Variants in APP observed in about 807,000 individuals in gnomAD.
APP encodes the protein amyloid-beta precursor protein.
APP carries 31 observed loss-of-function variants against 101.4 expected under a neutral mutation model. That is an observed-to-expected ratio of 0.31 (90% CI 0.23 to 0.41). The LOEUF is 0.41. APP is among the 10% of genes least tolerant of loss of function. The pLI, the probability that APP is intolerant of heterozygous loss-of-function variation, is 1.00. For synonymous variants in APP, 366 were observed against 364.4 expected, an observed-to-expected ratio of 1.00 and a Z score of -0.05; for missense variants, 839 against 1,003.7, an observed-to-expected ratio of 0.84 and a Z score of 2.22.
intron 1 of APP, among the ~76,000 whole-genome samples, chr21:26,113,511 C>G (rs2062372985): frequency 6.6e-6 from 1 of 152,218 alleles, no homozygotes; most frequent in Admixed American, 6.5e-5. Context: ...GTCATGAGTG[C>G]AAAAGCTGCT....
chr21:26,086,376 T>C (rs1266712592), intron 3 of APP, among the ~76,000 whole-genome samples: 2 of 152,148 alleles, frequency 1.3e-5, no homozygotes, highest in African/African-American at 4.8e-5. Flanking sequence ...AAGAAATGTA[T>C]AGCACATATG....
chr21:26,093,464 A>C (rs2061870548), intron 2 of APP, among the ~76,000 whole-genome samples: 2 of 152,178 alleles, frequency 1.3e-5, no homozygotes, highest in Admixed American at 6.5e-5. Flanking sequence ...CTTAAAACCA[A>C]CGAATTGTTT....
intron 11 of APP, among the ~76,000 whole-genome samples, chr21:25,962,708 A>G (rs2014146): frequency 0.45 from 68,817 of 152,134 alleles, 17,018 homozygotes; most frequent in African/African-American, 0.65. Context: ...GAGAAGATTC[A>G]TTTCATTAAT....
At chr21:25,983,450 T>C (rs921138820) in intron 8 of APP, among the ~76,000 whole-genome samples, 2 of 152,218 alleles carry the variant, frequency 1.3e-5, no homozygotes, top group Non-Finnish European at 2.9e-5. Flanking sequence ...GTGTATTACA[T>C]TTGGGATATA....
At chr21:26,159,700 C>G (rs1187206337) in intron 1 of APP, among the ~76,000 whole-genome samples, 2 of 150,072 alleles carry the variant, frequency 1.3e-5, no homozygotes, top group Non-Finnish European at 1.5e-5. Context: ...TTTTTCTCTG[C>G]AACAACAAGA....
chr21:26,093,988 C>T (rs1568966396), intron 2 of APP, among the ~76,000 whole-genome samples: 1 of 152,044 alleles, frequency 6.6e-6, no homozygotes, highest in Non-Finnish European at 1.5e-5. Flanking sequence ...ATGGCACACG[C>T]CTGTTAAGTC....
intron 5 of APP, among the ~76,000 whole-genome samples, chr21:26,037,788 A>T (rs2045185014): frequency 6.6e-6 from 1 of 152,244 alleles, no homozygotes. Flanking sequence ...TTCCAATAAT[A>T]GTAGCTATAC....
intron 2 of APP, among the ~76,000 whole-genome samples, chr21:26,110,914 C>T (rs1031476894): frequency 2.0e-5 from 3 of 151,778 alleles, no homozygotes; most frequent in African/African-American, 7.3e-5. Context: ...CAGTCACATG[C>T]AGAGATAACT....
chr21:26,126,506 A>G lies in APP; in HGVS notation c.58-14360T>C, dbSNP rs977415753. On this transcript the variant is annotated intron_variant, in intron 1 of 17. Transcript: ENST00000346798. ...TGTTCAGCTATGCAGTGGTTCTCCAACAGGGTAAGCTTGTTAACTACATGG... is the reference window on the plus strand; with the variant it reads ...TGTTCAGCTATGCAGTGGTTCTCCAGCAGGGTAAGCTTGTTAACTACATGG... 2.6e-5 allele frequency among the ~76,000 whole-genome samples: 4 copies of G among 152,292 alleles called. No individual in the cohort carries two copies. In the South Asian group the frequency reaches 8.3e-4, roughly 32 times the overall value.
chr21:25,975,376 A>T lies in APP; in HGVS notation c.1300-148T>A, dbSNP rs192712997. ...TGCATAGTCATTCCAACATTGACTA[A>T]TTCTACGTTTTATAGCTTACTTCAC... On this transcript the variant is annotated intron_variant, in intron 10 of 17. Coordinates refer to ENST00000346798, the MANE Select transcript of APP (RefSeq NM_000484.4). The T allele has an allele frequency of 1.1e-4, 119 of 1,062,152 alleles. No homozygotes were observed. In the East Asian group the frequency reaches 2.6e-3, roughly 23 times the overall value. The allele number at this position is 1,062,152 out of a possible 1,614,324, so 65.8% of individuals were successfully genotyped here.
At chr21:25,896,883 A>G (rs938368209) in intron 16 of APP, among the ~76,000 whole-genome samples, 9 of 152,156 alleles carry the variant, frequency 5.9e-5, no homozygotes, top group Admixed American at 4.6e-4. Context: ...GCTGGGGGAG[A>G]AATGAATGGG....
At chr21:26,014,191 G>A in intron 6 of APP, among the ~76,000 whole-genome samples, 1 of 152,182 alleles carries the variant, frequency 6.6e-6, no homozygotes, top group East Asian at 1.9e-4. Context: ...ACTGAAGTAT[G>A]TGAGTTCATG....
intron 13 of APP, among the ~76,000 whole-genome samples, chr21:25,930,295 G>A (rs996802526): frequency 6.6e-6 from 1 of 152,184 alleles, no homozygotes; most frequent in East Asian, 1.9e-4. Context: ...GAAGGATCCT[G>A]GGGCGGGCCC....
intron 1 of APP, among the ~76,000 whole-genome samples, chr21:26,144,186 G>A (rs763452819): frequency 6.6e-6 from 1 of 152,136 alleles, no homozygotes; most frequent in Non-Finnish European, 1.5e-5. Context: ...GGGGGAAACC[G>A]CCTCTATGAT....
In APP at chr21:26,051,016, C is replaced by T; in HGVS notation, c.646G>A (p.Asp216Asn). 1 of 1,614,170 alleles carries T rather than the reference C, an allele frequency of 6.2e-7. No homozygotes were observed. The highest frequency in any genetic ancestry group is 1.1e-5 in the South Asian group (1 of 91,080). ...SDVWWGGADT[D>N]YADGSEDKVV... ...CCACCTTACCTCCCATCTGCATAGT[C>T]TGTGTCTGCTCCGCCCCACCAGACA... Residue 216 changes from aspartate to asparagine, a missense_variant, in exon 5 of 18, where the codon GAC becomes AAC. Coordinates refer to ENST00000346798, the MANE Select transcript of APP (RefSeq NM_000484.4).
chr21:26,094,075 C>T (rs2146128345), intron 2 of APP, among the ~76,000 whole-genome samples: 1 of 149,822 alleles, frequency 6.7e-6, no homozygotes, highest in Non-Finnish European at 1.5e-5. Context: ...GAGATCACAC[C>T]ACTGCACTCC....
chr21:25,929,241 T>G (rs531430972), intron 13 of APP, among the ~76,000 whole-genome samples: 1 of 152,306 alleles, frequency 6.6e-6, no homozygotes, highest in South Asian at 2.1e-4. Flanking sequence ...GCAGCATATG[T>G]TATGACTTCA....
At chr21:26,140,101 T>C (rs2063009161) in intron 1 of APP, 19 of 1,305,000 alleles carry the variant, frequency 1.5e-5, no homozygotes, top group Admixed American at 5.9e-5. Context: ...CAGAGTTTCA[T>C]CTTACCCAAA....
chr21:26,125,676 G>T (rs1292748597), intron 1 of APP, among the ~76,000 whole-genome samples: 1 of 151,970 alleles, frequency 6.6e-6, no homozygotes, highest in Non-Finnish European at 1.5e-5. Context: ...GTCCTGACGG[G>T]GGTGGGGGAG....
Sources: allele counts gnomAD v4.1 joint callset (sites outside exome capture counted in the v4.1 genomes callset), GRCh38; gene constraint gnomAD v4.1.1; transcripts MANE v1.5; gene names NCBI Gene and HGNC (gene_info 2026-07-23, HGNC 2026-07-21).